OTOGL: variants seen among roughly 807,000 people sequenced by gnomAD.
OTOGL encodes otogelin like, also known as otogelin-like protein.
OTOGL carries 285 observed loss-of-function variants against 318.5 expected under a neutral mutation model. The ratio of observed to expected loss-of-function variants is 0.89; its 90% CI spans 0.81 to 0.99. The LOEUF (loss-of-function observed/expected upper bound fraction) is 0.99, where lower values mean the gene tolerates loss of function less well. Ranked by LOEUF, OTOGL falls within the 50% of genes least tolerant of loss-of-function variation. The pLI, the probability that OTOGL is intolerant of heterozygous loss-of-function variation, is 0.00. For synonymous variants in OTOGL, 987 were observed against 936.5 expected (o/e 1.05, Z -0.99); for missense variants, 2,899 against 2,845.6 (o/e 1.02, Z -0.43).
chr12:80,342,976 G>T (rs1888876892), intron 44 of OTOGL, among the ~76,000 whole-genome samples: 1 of 152,072 alleles, frequency 6.6e-6, no homozygotes. Flanking sequence ...CTGCCTCCCA[G>T]GTTCAAGTGA....
rs767607479 is a variant in OTOGL at position 80,305,675 on chromosome 12, G to A, written c.3313G>A (p.Asp1105Asn). 1 of 1,569,888 alleles carries A rather than the reference G, an allele frequency of 6.4e-7. No individual in the cohort carries two copies. The highest frequency in any genetic ancestry group is 1.2e-5 in the South Asian group (1 of 84,050). ...LEVRNARVFG[D>N]SWALGQCESP... is the part of the protein sequence containing the mutation. Reference sequence around the variant, plus strand: ...AGTGAGAAATGCTCGGGTATTTGGAGATAGTTGGGCATTAGGACAGGTAAG... The same window carrying A: ...AGTGAGAAATGCTCGGGTATTTGGAAATAGTTGGGCATTAGGACAGGTAAG... The change falls in exon 29 of 59, where the codon GAT (aspartate) becomes AAT (asparagine). Residue 1105 changes from aspartate to asparagine, a missense_variant. By Grantham distance (23) the Asp-to-Asn change is conservative. Around this residue, in one of 3 missense-constraint regions of OTOGL, gnomAD observed 2,607 missense variants for 2,524.9 expected, o/e 1.03. Coordinates refer to ENST00000547103, the MANE Select transcript of OTOGL (RefSeq NM_001378609.3).
intron 1 of OTOGL, among the ~76,000 whole-genome samples, chr12:80,140,043 C>T (rs185392477): frequency 6.6e-6 from 1 of 152,162 alleles, no homozygotes; most frequent in Non-Finnish European, 1.5e-5. Flanking sequence ...ATCCCAACTA[C>T]TGTATTCTTC....
intron 1 of OTOGL, among the ~76,000 whole-genome samples, chr12:80,190,703 C>T (rs556198660): frequency 1.7e-4 from 24 of 143,104 alleles, no homozygotes; most frequent in African/African-American, 5.8e-4. Flanking sequence ...AGGAGAATGG[C>T]GTGAACCCAA....
chr12:80,125,585 A>G (rs965443855), intron 1 of OTOGL, among the ~76,000 whole-genome samples: 6 of 152,010 alleles, frequency 3.9e-5, no homozygotes, highest in Admixed American at 2.6e-4. Context: ...CTCTTTTTCT[A>G]TTGTTTGGAA....
At chr12:80,357,262 C>T (rs2122700) in intron 49 of OTOGL, among the ~76,000 whole-genome samples, 143,134 of 152,256 alleles carry the variant, frequency 0.94, 67,354 homozygotes, top group East Asian at 1. Context: ...CTTCATAGGA[C>T]GTCTTTAAAA....
intron 26 of OTOGL, among the ~76,000 whole-genome samples, chr12:80,293,537 A>G (rs1328101476): frequency 6.6e-6 from 1 of 152,116 alleles, no homozygotes; most frequent in East Asian, 1.9e-4. Flanking sequence ...AACTTGGACA[A>G]TCTCTGTGTG....
chr12:80,350,854 C>T (rs968293329), intron 44 of OTOGL, among the ~76,000 whole-genome samples: 1 of 152,094 alleles, frequency 6.6e-6, no homozygotes. Flanking sequence ...TTCTATAGGT[C>T]GTCTCTTTAC....
At chr12:80,278,861 G>A (rs141792377) in intron 25 of OTOGL, among the ~76,000 whole-genome samples, 167 bp from the exon 26 acceptor site, 77 of 151,582 alleles carry the variant, frequency 5.1e-4, no homozygotes, top group African/African-American at 1.7e-3. Flanking sequence ...AAAAACGTAT[G>A]CCTAATTTGT....
chr12:80,140,478 A>T lies in OTOGL; in HGVS notation c.-20+40873A>T, dbSNP rs570562987. Among the ~76,000 whole-genome samples, 4 of 152,310 alleles carry T rather than the reference A, an allele frequency of 2.6e-5. No individual in the cohort carries two copies. The East Asian group carries it at 7.7e-4, about 29-fold the overall frequency. On this transcript the variant is annotated intron_variant, in intron 1 of 58. Coordinates refer to ENST00000547103, the MANE Select transcript of OTOGL (RefSeq NM_001378609.3). ...CTTAAGTAAATAAAGGAACACATCA[A>T]ATGTTATGAATTTCTTTATTACTTT...
chr12:80,223,249 G>A (rs967556858), intron 7 of OTOGL, among the ~76,000 whole-genome samples: 2 of 151,374 alleles, frequency 1.3e-5, no homozygotes, highest in African/African-American at 4.9e-5. Flanking sequence ...ATTCCATGGT[G>A]TGTGTGTGTG....
chr12:80,360,260 A>AT (rs1372418563), intron 52 of OTOGL, among the ~76,000 whole-genome samples: 3 of 151,794 alleles, frequency 2.0e-5, no homozygotes, highest in Non-Finnish European at 4.4e-5. Flanking sequence ...AAATTTCTTA[A>AT]TTTTTTTTCC....
intron 24 of OTOGL, 58 bp from the exon 25 acceptor site, chr12:80,278,110 A>G (rs1034300667): frequency 7.6e-7 from 1 of 1,317,978 alleles, no homozygotes; most frequent in African/African-American, 1.5e-5. Flanking sequence ...GATTACTGAT[A>G]TTTTAAAACT....
rs1311878107 is a variant in OTOGL at position 80,249,397 on chromosome 12, G to A, written c.1053-2296G>A. On this transcript the variant is annotated intron_variant, in intron 11 of 58. Transcript: ENST00000547103. ...TCCCTTCTAACAGACAGGACCCTCA[G>A]CTGAAGGTCTGTTGGAATACCCTGC... 2.0e-5 allele frequency among the ~76,000 whole-genome samples: 3 copies of A among 151,270 alleles called. No homozygotes were observed. In the East Asian group the frequency reaches 5.8e-4, roughly 29 times the overall value.
chr12:80,268,628 G>A (rs1592634753), intron 22 of OTOGL, among the ~76,000 whole-genome samples: 1 of 152,050 alleles, frequency 6.6e-6, no homozygotes, highest in Non-Finnish European at 1.5e-5. Context: ...CCAAGCCAGA[G>A]CTCCAGGAAT....
chr12:80,109,087 G>GA (rs1359716624), intron 1 of OTOGL, among the ~76,000 whole-genome samples: 7 of 151,318 alleles, frequency 4.6e-5, no homozygotes, highest in Admixed American at 1.3e-4. Context: ...ATGACACATG[G>GA]AAAAAATATG....
intron 1 of OTOGL, among the ~76,000 whole-genome samples, chr12:80,203,770 G>A (rs1385901812): frequency 6.6e-6 from 1 of 152,158 alleles, no homozygotes; most frequent in Non-Finnish European, 1.5e-5. Flanking sequence ...TTACTAGAAT[G>A]AACTAGTATT....
intron 1 of OTOGL, among the ~76,000 whole-genome samples, chr12:80,139,649 G>A (rs1113542): frequency 0.5 from 76,121 of 151,860 alleles, 19,644 homozygotes; most frequent in Middle Eastern, 0.58. Context: ...GCTCTTTGAG[G>A]GATTATAAAA....
chr12:80,272,373 T>C (rs1368330411), intron 24 of OTOGL, among the ~76,000 whole-genome samples: 1 of 151,612 alleles, frequency 6.6e-6, no homozygotes, highest in Non-Finnish European at 1.5e-5. Flanking sequence ...TGTGTGTGTG[T>C]GTGTGTGTGT....
At chr12:80,106,344 C>A (rs186943717) in intron 1 of OTOGL, among the ~76,000 whole-genome samples, 14 of 152,254 alleles carry the variant, frequency 9.2e-5, no homozygotes, top group South Asian at 2.1e-4. Context: ...CAGACTATGT[C>A]CAGGGTCCCA....
Sources: gnomAD v4.1 joint callset for allele counts (sites outside exome capture counted in the v4.1 genomes callset) on GRCh38, gnomAD v4.1.1 for gene constraint, gnomAD v4.1.1 regional missense constraint, MANE v1.5 for transcripts, NCBI Gene and HGNC (gene_info 2026-07-23, HGNC 2026-07-21) for gene names.